Variants in CFAP221 observed in about 807,000 individuals in gnomAD.
CFAP221 encodes cilia and flagella associated protein 221.
In CFAP221, 97 loss-of-function variants were observed where a neutral mutation model predicts 113.1. The ratio of observed to expected loss-of-function variants is 0.86; its 90% CI spans 0.73 to 1.02. CFAP221 has a LOEUF of 1.02. Ranked by LOEUF, CFAP221 falls within the 50% of genes least tolerant of loss-of-function variation. The probability of loss-of-function intolerance (pLI) is 0.00; values close to 1 mark genes in which losing one functional copy is unlikely to be tolerated. For synonymous variants in CFAP221, 331 were observed against 354.4 expected, an observed-to-expected ratio of 0.93 and a Z score of 0.74; for missense variants, 1,025 against 1,013.4, an observed-to-expected ratio of 1.01 and a Z score of -0.16.
chr2:119,625,749 T>G (rs1246457522), intron 15 of CFAP221, 61 bp downstream of exon 15: 3 of 1,405,198 alleles, frequency 2.1e-6, no homozygotes, highest in Non-Finnish European at 2.0e-6. Context: ...AGCGTGAACT[T>G]TCCTTAGAAT....
chr2:119,654,038 A>G (rs1392030828), intron 23 of CFAP221, among the ~76,000 whole-genome samples: 1 of 151,472 alleles, frequency 6.6e-6, no homozygotes, highest in Non-Finnish European at 1.5e-5. Context: ...CTGCAAATTT[A>G]TTTTCTCAGT....
chr2:119,601,313 C>CA lies in CFAP221; in HGVS notation c.728dup (p.Phe244ValfsTer26), dbSNP rs1290632645. Reference sequence around the variant, plus strand: ...AATAAAAATGCAGTTATGGATTTCGCAGTTCAACTCTCAACCATACGAATG... The same window carrying CA: ...AATAAAAATGCAGTTATGGATTTCGCAAGTTCAACTCTCAACCATACGAATG... On this transcript the variant is annotated frameshift_variant, in exon 8 of 24. Coordinates refer to ENST00000413369, the MANE Select transcript of CFAP221 (RefSeq NM_001271049.2). LOFTEE classifies it high-confidence loss of function. 1 of 1,535,774 alleles carries CA rather than the reference C, an allele frequency of 6.5e-7. No individual in the cohort carries two copies. Among genetic ancestry groups the CA allele is most frequent in the Admixed American group, 2.0e-5 (1 of 50,972 alleles).
chr2:119,646,361 C>T (rs951436766), intron 21 of CFAP221, among the ~76,000 whole-genome samples: 16 of 152,160 alleles, frequency 1.1e-4, no homozygotes, highest in African/African-American at 3.1e-4. Context: ...TTGGCTTCTG[C>T]GGAGGCCTCT....
intron 6 of CFAP221, among the ~76,000 whole-genome samples, chr2:119,568,869 G>A (rs534153154): frequency 5.9e-5 from 9 of 152,182 alleles, no homozygotes; most frequent in East Asian, 5.8e-4. Flanking sequence ...TTCTTTTAAC[G>A]TTTCTCGCAA....
chr2:119,579,832 T>C (rs1453541337), intron 6 of CFAP221, among the ~76,000 whole-genome samples: 4 of 152,172 alleles, frequency 2.6e-5, no homozygotes, highest in Admixed American at 1.3e-4. Flanking sequence ...TTCAGGAAAA[T>C]GCAAACATGC....
intron 3 of CFAP221, among the ~76,000 whole-genome samples, chr2:119,549,765 T>C (rs1359412099): frequency 6.6e-6 from 1 of 152,198 alleles, no homozygotes; most frequent in Non-Finnish European, 1.5e-5. Flanking sequence ...AGAATCTGTC[T>C]AGGTCCAGGG....
intron 6 of CFAP221, among the ~76,000 whole-genome samples, chr2:119,567,474 A>G (rs905626784): frequency 2.0e-5 from 3 of 152,176 alleles, no homozygotes; most frequent in African/African-American, 7.2e-5. Flanking sequence ...GTGCTGTATA[A>G]TATTCCATAG....
At chr2:119,629,732 G>A in intron 16 of CFAP221, 143 bp from the exon 17 acceptor site, 1 of 612,166 alleles carries the variant, frequency 1.6e-6, no homozygotes, top group Admixed American at 3.0e-5. Context: ...CTGCCCTACA[G>A]ATCAAGTGGC....
At chr2:119,585,293 A>G (rs370610428) in intron 6 of CFAP221, among the ~76,000 whole-genome samples, 2 of 152,262 alleles carry the variant, frequency 1.3e-5, no homozygotes, top group East Asian at 3.8e-4. Flanking sequence ...AGAATGGTAG[A>G]ACAGTGAATA....
intron 17 of CFAP221, 127 bp from the exon 18 acceptor site, chr2:119,630,443 C>G (rs1052588117): frequency 2.9e-6 from 2 of 689,974 alleles, no homozygotes; most frequent in African/African-American, 3.6e-5. Context: ...AGCCACAATC[C>G]GATGACTACA....
At position 119,649,201 on chromosome 2, in the gene CFAP221, G is replaced by C. The variant is rs190757770; in HGVS notation, c.2318+2151G>C. The stretch of plus-strand genomic sequence containing the variant: ...CAAAATATTATGGAAACTACAGACG[G>C]TACCTGGCTTACATAGGTTTGACTT... On this transcript the variant is annotated intron_variant, in intron 22 of 23. Transcript: ENST00000413369. Among the ~76,000 whole-genome samples the C allele has an allele frequency of 1.7e-3, 260 of 152,266 alleles. 1 individual carries two copies. The highest frequency in any genetic ancestry group is 5.7e-3 in the African/African-American group (238 of 41,548).
chr2:119,595,676 G>C (rs749608379), intron 7 of CFAP221, among the ~76,000 whole-genome samples: 1 of 152,152 alleles, frequency 6.6e-6, no homozygotes, highest in Non-Finnish European at 1.5e-5. Flanking sequence ...TCCCTGCTGT[G>C]TTGGAGCAGA....
intron 7 of CFAP221, among the ~76,000 whole-genome samples, chr2:119,597,788 G>A (rs1684095810): frequency 1.3e-5 from 2 of 152,168 alleles, no homozygotes; most frequent in Non-Finnish European, 2.9e-5. Flanking sequence ...TACACCCTAT[G>A]TAAATGAAGG....
chr2:119,602,469 T>G, intron 8 of CFAP221: 2 of 298,124 alleles, frequency 6.7e-6, no homozygotes, highest in Non-Finnish European at 9.9e-6. Context: ...AATATCTTGG[T>G]TTTCCTCTTC....
At chr2:119,584,732 A>G (rs1188007104) in intron 6 of CFAP221, among the ~76,000 whole-genome samples, 1 of 152,248 alleles carries the variant, frequency 6.6e-6, no homozygotes, top group African/African-American at 2.4e-5. Context: ...AAAGAATGAG[A>G]ATGAAAGTGA....
intron 7 of CFAP221, among the ~76,000 whole-genome samples, chr2:119,594,397 G>T (rs1001912074): frequency 1.3e-5 from 2 of 151,504 alleles, no homozygotes; most frequent in East Asian, 3.9e-4. Context: ...CAACACGCCC[G>T]GCTAATTTTT....
chr2:119,550,343 G>A (rs370366160), intron 3 of CFAP221, among the ~76,000 whole-genome samples: 1 of 152,206 alleles, frequency 6.6e-6, no homozygotes, highest in Non-Finnish European at 1.5e-5. Context: ...GGAAATTTCC[G>A]TCAGGAAGAC....
chr2:119,604,800 G>C lies in CFAP221; in HGVS notation c.912+8G>C. ...AAGCCTCAGAAGGTGAAGGTACGGT[G>C]GGCCTTGTCCTTGGTGCGATGAAAG... On this transcript the variant is annotated splice_region_variant and intron_variant, in intron 9 of 23. Coordinates refer to ENST00000413369, the MANE Select transcript of CFAP221 (RefSeq NM_001271049.2). The C allele has an allele frequency of 6.3e-7, 1 of 1,576,666 alleles. No homozygotes were observed. The highest frequency in any genetic ancestry group is 8.6e-7 in the Non-Finnish European group (1 of 1,161,282).
chr2:119,631,080 G>A (rs1239615977), intron 19 of CFAP221, 179 bp downstream of exon 19: 21 of 1,292,268 alleles, frequency 1.6e-5, no homozygotes, highest in Admixed American at 1.0e-4. Flanking sequence ...CAGTGATTCC[G>A]TCTTTTAGCA....
Sources: allele counts gnomAD v4.1 joint callset (sites outside exome capture counted in the v4.1 genomes callset), GRCh38; gene constraint gnomAD v4.1.1; transcripts MANE v1.5; gene names NCBI Gene and HGNC (gene_info 2026-07-23, HGNC 2026-07-21).